The following ACTR3C variants were observed in gnomAD, a reference collection of about 807,000 sequenced individuals.
The protein encoded by ACTR3C is actin related protein 3C.
In ACTR3C, 18 loss-of-function variants were observed where a neutral mutation model predicts 26.3. That is an observed-to-expected ratio of 0.68 (90% CI 0.47 to 1.01). ACTR3C has a LOEUF of 1.01. Among genes scored for constraint, ACTR3C ranks in the 50% least tolerant of loss-of-function variants. The pLI, the probability that ACTR3C is intolerant of heterozygous loss-of-function variation, is 0.00. For missense variants in ACTR3C, 184 were observed against 250.7 expected (o/e 0.73, Z 1.80); for synonymous variants, 55 against 94.5 (o/e 0.58, Z 2.42).
At chr7:150,005,970 C>T in the ACTR3C span, among the ~76,000 whole-genome samples, 1 of 152,016 alleles carries the variant, frequency 6.6e-6, no homozygotes, top group African/African-American at 2.4e-5. Flanking sequence ...AGCCATAGAC[C>T]GCTCAAAATA....
the ACTR3C span, among the ~76,000 whole-genome samples, chr7:150,184,249 A>T: frequency 6.6e-6 from 1 of 150,958 alleles, no homozygotes; most frequent in East Asian, 1.9e-4. Flanking sequence ...CAAAGTAAAG[A>T]TAAACCATCC....
At chr7:149,981,306 T>C in the ACTR3C span, among the ~76,000 whole-genome samples, 27 of 152,106 alleles carry the variant, frequency 1.8e-4, no homozygotes, top group East Asian at 4.6e-3. Context: ...ACAATCAAGA[T>C]GCAGCAGCAA....
At chr7:150,039,423 G>A in the ACTR3C span, among the ~76,000 whole-genome samples, 1 of 15,218 alleles carries the variant, frequency 6.6e-5, no homozygotes, top group Non-Finnish European at 1.3e-4. Flanking sequence ...CTCAGTCCCT[G>A]CCTCGCGGGG....
chr7:150,321,598 G>C (rs574733393), intron 1 of ACTR3C, among the ~76,000 whole-genome samples: 1 of 152,164 alleles, frequency 6.6e-6, no homozygotes, highest in Non-Finnish European at 1.5e-5. Context: ...AAATTAGCCA[G>C]GTGTGGTGGT....
chr7:150,122,789 G>A, the ACTR3C span, among the ~76,000 whole-genome samples: 13 of 151,788 alleles, frequency 8.6e-5, no homozygotes, highest in Admixed American at 6.6e-4. Flanking sequence ...ACATGCACAC[G>A]TATATTTATT....
chr7:150,079,126 AG>A, the ACTR3C span, among the ~76,000 whole-genome samples: 2 of 152,146 alleles, frequency 1.3e-5, no homozygotes, highest in Non-Finnish European at 2.9e-5. Flanking sequence ...AAATGATTGT[AG>A]GCTGGAAAGG....
chr7:150,293,619 C>G (rs574682900), intron 2 of ACTR3C, among the ~76,000 whole-genome samples, 200 bp from the exon 3 acceptor site: 1 of 152,084 alleles, frequency 6.6e-6, no homozygotes, highest in Non-Finnish European at 1.5e-5. Context: ...TGAGTACTTA[C>G]AACTATAGGA....
the ACTR3C span, among the ~76,000 whole-genome samples, chr7:149,967,008 T>A: frequency 4.2e-5 from 6 of 142,660 alleles, no homozygotes; most frequent in Non-Finnish European, 9.1e-5. Flanking sequence ...ATTACAGGCG[T>A]GTGTCACCAT....
chr7:150,235,738 C>T, the ACTR3C span, among the ~76,000 whole-genome samples: 2 of 152,052 alleles, frequency 1.3e-5, no homozygotes, highest in Non-Finnish European at 2.9e-5. Context: ...TGTAAAAACA[C>T]GCAAGTCAAT....
chr7:150,214,741 T>A, the ACTR3C span, among the ~76,000 whole-genome samples: 1 of 151,818 alleles, frequency 6.6e-6, no homozygotes, highest in African/African-American at 2.4e-5. Flanking sequence ...AAATCATGCC[T>A]AGGCACATAG....
the ACTR3C span, among the ~76,000 whole-genome samples, chr7:150,017,701 A>C: frequency 6.7e-6 from 1 of 149,164 alleles, no homozygotes; most frequent in Non-Finnish European, 1.5e-5. Flanking sequence ...ACCCTGGCCC[A>C]CCAGTCTGTT....
the ACTR3C span, among the ~76,000 whole-genome samples, chr7:149,907,485 T>TTCTCTCTC: frequency 3.1e-4 from 20 of 65,060 alleles, no homozygotes; most frequent in African/African-American, 7.9e-4. Flanking sequence ...CTCTTCTCTC[T>TTCTCTCTC]CTCTCTCTCT....
chr7:150,149,132 G>A, the ACTR3C span, among the ~76,000 whole-genome samples: 3 of 114,272 alleles, frequency 2.6e-5, no homozygotes, highest in African/African-American at 9.9e-5. Context: ...TATATGCATT[G>A]GCCATTTGGA....
At chr7:150,244,059 A>C (rs1362529268), downstream of ACTR3C, 1 of 151,796 alleles carries the variant, frequency 6.6e-6, no homozygotes, top group Non-Finnish European at 1.5e-5. Context: ...GTAGTCATTC[A>C]GTATTCAGTA....
chr7:149,986,687 T>G, the ACTR3C span, among the ~76,000 whole-genome samples: 1 of 152,186 alleles, frequency 6.6e-6, no homozygotes, highest in Non-Finnish European at 1.5e-5. Flanking sequence ...AACACCAGGA[T>G]GCAAATCTGG....
At chr7:150,043,173 C>A in the ACTR3C span, among the ~76,000 whole-genome samples, 1 of 150,342 alleles carries the variant, frequency 6.7e-6, no homozygotes, top group African/African-American at 2.5e-5. Context: ...GTAAATCCCA[C>A]GCAAGGTACC....
chr7:149,997,828 G>C, the ACTR3C span, among the ~76,000 whole-genome samples: 4 of 149,818 alleles, frequency 2.7e-5, no homozygotes, highest in Non-Finnish European at 5.9e-5. Context: ...AAATTTAAAG[G>C]CTCTTTAGTT....
At chr7:150,037,723 G>GA in the ACTR3C span, among the ~76,000 whole-genome samples, 1 of 96,468 alleles carries the variant, frequency 1.0e-5, no homozygotes, top group African/African-American at 4.1e-5. Flanking sequence ...CCTAAGCCAG[G>GA]GGGGAAGAGG....
At chr7:150,077,426 G>A in the ACTR3C span, among the ~76,000 whole-genome samples, 1 of 152,100 alleles carries the variant, frequency 6.6e-6, no homozygotes, top group Non-Finnish European at 1.5e-5. Flanking sequence ...TGTGGTTAAA[G>A]GTACAAAATA....
Sources: gnomAD v4.1 joint callset for allele counts (sites outside exome capture counted in the v4.1 genomes callset) on GRCh38, gnomAD v4.1.1 for gene constraint, MANE v1.5 for transcripts, NCBI Gene and HGNC (gene_info 2026-07-23, HGNC 2026-07-21) for gene names.